Variants in TRIM10 observed in about 807,000 individuals in gnomAD.
TRIM10 encodes tripartite motif-containing protein 10.
Under a neutral mutation model 40.0 loss-of-function variants are expected in TRIM10, and 42 were observed. The ratio of observed to expected loss-of-function variants is 1.05; its 90% CI spans 0.82 to 1.36. TRIM10 has a LOEUF of 1.36. Among genes scored for constraint, TRIM10 ranks in the 40% most tolerant of loss-of-function variants. The pLI is 0.00. For synonymous variants in TRIM10, 260 were observed against 239.5 expected (o/e 1.09, Z -0.79); for missense variants, 601 against 608.3 (o/e 0.99, Z 0.13).
chr6:30,159,386 C>A, intron 1 of TRIM10, 141 bp from the exon 2 acceptor site: 1 of 625,334 alleles, frequency 1.6e-6, no homozygotes, highest in East Asian at 2.7e-5. Context: ...GAGCCTTCAC[C>A]ACCCTGACAG....
At chr6:30,157,440 T>C (rs751708314) in intron 3 of TRIM10, 49 bp from the exon 4 acceptor site, 13 of 1,544,806 alleles carry the variant, frequency 8.4e-6, no homozygotes, top group African/African-American at 2.8e-5. Flanking sequence ...CTCCTTTCCA[T>C]TTTTCTTTCC....
chr6:30,156,440 A>G (rs575311518), intron 5 of TRIM10, among the ~76,000 whole-genome samples: 1 of 152,140 alleles, frequency 6.6e-6, no homozygotes, highest in South Asian at 2.1e-4. Context: ...CCTGTTCCGG[A>G]AAAGGAAGTG....
chr6:30,160,900 G>A lies in TRIM10; in HGVS notation c.-42C>T, dbSNP rs771440318. On this transcript the variant is annotated 5_prime_UTR_variant, in exon 1 of 7. Coordinates refer to ENST00000449742, the MANE Select transcript of TRIM10 (RefSeq NM_006778.4). ...TGGCTTCCTCAAGGCCACTCTCTCT[G>A]CTTGGCCACGGGGGAAGGGCTGGGT... The A allele has an allele frequency of 3.3e-6, 5 of 1,535,902 alleles. No homozygotes were observed. The highest frequency in any genetic ancestry group is 4.4e-6 in the Non-Finnish European group (5 of 1,145,154).
rs916184922 is a variant in TRIM10 at position 30,159,148 on chromosome 6, A to T, written c.525+2T>A. ...GAACCTGGGGAAGGGGTGATGACTT[A>T]CCAGGAGGACTTGCATCCTTTTATT... On this transcript the variant is annotated splice_donor_variant, in intron 2 of 6. Transcript: ENST00000449742. LOFTEE classifies it high-confidence loss of function. 6 of 1,603,866 alleles carry T rather than the reference A, an allele frequency of 3.7e-6. No homozygotes were observed. The African/African-American group carries it at 8.0e-5, about 21-fold the overall frequency.
Position 30,158,603 on chromosome 6 carries a change from C to T in TRIM10, c.552G>A (p.Gln184=). 1.2e-6 allele frequency: 2 copies of T among 1,613,066 alleles called. No individual in the cohort carries two copies. The highest frequency in any genetic ancestry group is 1.7e-6 in the Non-Finnish European group (2 of 1,180,034). Residue 184 remains glutamine, a synonymous_variant, in exon 3 of 7, where the codon CAG becomes CAA. Coordinates refer to ENST00000449742, the MANE Select transcript of TRIM10 (RefSeq NM_006778.4). ...LLTQVSTKRQ[Q]VISEFAHLRK... ...TCAGGTGTGCGAACTCAGAAATCAC[C>T]TGTTGTCTCTTGGTGGACACCTGAG... is the stretch of plus-strand genomic sequence containing the variant.
At chr6:30,157,266 C>A in intron 4 of TRIM10, 103 bp downstream of exon 4, 3 of 1,262,998 alleles carry the variant, frequency 2.4e-6, no homozygotes, top group Non-Finnish European at 3.4e-6. Flanking sequence ...AAATTTGTAT[C>A]CTTAAGTGAG....
chr6:30,152,326 G>A lies in TRIM10; in HGVS notation c.*1643C>T, dbSNP rs1772083695. On this transcript the variant is annotated 3_prime_UTR_variant, in exon 7 of 7. Coordinates refer to ENST00000449742, the MANE Select transcript of TRIM10 (RefSeq NM_006778.4). Reference sequence around the variant, plus strand: ...AGTCCTTTCAAAAGACACAGCTAAAGCCAATAAAAATAAACAAAAATAGGA... The same window carrying A: ...AGTCCTTTCAAAAGACACAGCTAAAACCAATAAAAATAAACAAAAATAGGA... 1 of 146,360 alleles carries A rather than the reference G, an allele frequency of 6.8e-6. No individual in the cohort carries two copies. 9.1% of individuals were successfully genotyped at this position (146,360 alleles called of 1,614,324 possible). A position where few individuals can be genotyped will look rare whatever the true frequency, so the allele number is the denominator to read the frequency against.
intron 5 of TRIM10, chr6:30,156,670 T>C: frequency 1.8e-6 from 1 of 548,206 alleles, no homozygotes; most frequent in Non-Finnish European, 3.3e-6. Flanking sequence ...TTATCTTTCA[T>C]ATTGCTTAAT....
intron 5 of TRIM10, 32 bp downstream of exon 5, chr6:30,156,907 C>T: frequency 6.2e-7 from 1 of 1,601,932 alleles, no homozygotes; most frequent in Non-Finnish European, 8.5e-7. Context: ...TCATGGCCAC[C>T]TGCGCTCTGT....
Position 30,153,441 on chromosome 6 carries a change from A to G in TRIM10, c.*528T>C, listed in dbSNP as rs958235504. On this transcript the variant is annotated 3_prime_UTR_variant, in exon 7 of 7. Transcript: ENST00000449742. ...CTCTTTATGTTTCTCTGTCTTCCCA[A>G]GAGCTCTTTCAGATATAGAGCAGGT... is the stretch of plus-strand genomic sequence containing the variant. 5.8e-6 allele frequency: 3 copies of G among 520,922 alleles called. No homozygotes were observed. Among genetic ancestry groups the G allele is most frequent in the African/African-American group, 5.7e-5 (3 of 52,690 alleles). The allele number at this position is 520,922 out of a possible 1,614,324, so 32.3% of individuals were successfully genotyped here. A position where few individuals can be genotyped will look rare whatever the true frequency, so the allele number is the denominator to read the frequency against.
At position 30,156,929 on chromosome 6, in the gene TRIM10, G is replaced by T. The variant is rs367851231; in HGVS notation, c.895+10C>A. ...CACCTGCGCTCTGTGGAGGCCTGGG[G>T]TTCTCTTACCCAGAAACATCTTCAT... On this transcript the variant is annotated intron_variant, in intron 5 of 6. Transcript: ENST00000449742. 7 of 1,612,250 alleles carry T rather than the reference G, an allele frequency of 4.3e-6. No homozygotes were observed. The highest frequency in any genetic ancestry group is 1.7e-4 in the Middle Eastern group (1 of 6,052).
chr6:30,152,853 A>C lies in TRIM10; in HGVS notation c.*1116T>G, dbSNP rs1471886262. The C allele has an allele frequency of 6.6e-6, 1 of 152,206 alleles. No homozygotes were observed. Among genetic ancestry groups the C allele is most frequent in the Non-Finnish European group, 1.5e-5 (1 of 68,034 alleles). 9.4% of individuals were successfully genotyped at this position (152,206 alleles called of 1,614,324 possible). A position where few individuals can be genotyped will look rare whatever the true frequency, so the allele number is the denominator to read the frequency against. On this transcript the variant is annotated 3_prime_UTR_variant, in exon 7 of 7. Transcript: ENST00000449742. ...ACGGTAGTCTCAATTCTTTAGACTA[A>C]AGTTCATAGGTCATCCAACTTATGC...
At chr6:30,155,669 A>T in intron 6 of TRIM10, 58 bp downstream of exon 6, 2 of 1,585,788 alleles carry the variant, frequency 1.3e-6, no homozygotes, top group Non-Finnish European at 1.7e-6. Flanking sequence ...ATCCTGCAAA[A>T]TTTTCTCTCC....
At chr6:30,162,303 GAGAAAA>G (rs888211306), upstream of TRIM10, among the ~76,000 whole-genome samples, 4 of 150,664 alleles carry the variant, frequency 2.7e-5, no homozygotes, top group African/African-American at 9.8e-5. Context: ...AAAGAAAAAA[GAGAAAA>G]AGAAAAAGAA....
At position 30,160,513 on chromosome 6, in the gene TRIM10, G is replaced by A. The variant is rs1417290375; in HGVS notation, c.346C>T (p.Gln116Ter). ...IYFFCEDDEM[Q>*]LCVVCREAGE... Reference sequence around the variant, plus strand: ...GCCTCCCGGCACACCACGCACAACTGCATCTCATCATCCTCACAGAAGAAG... The same window carrying A: ...GCCTCCCGGCACACCACGCACAACTACATCTCATCATCCTCACAGAAGAAG... Residue 116 changes from glutamine (Q) to a stop codon, truncating the protein, a stop_gained, in exon 1 of 7, where the codon CAG (glutamine) becomes TAG (stop). Transcript: ENST00000449742. LOFTEE classifies it high-confidence loss of function. 1.1e-5 allele frequency: 17 copies of A among 1,614,026 alleles called. No homozygotes were observed. Among genetic ancestry groups the A allele is most frequent in the Non-Finnish European group, 1.4e-5 (17 of 1,180,044 alleles).
intron 3 of TRIM10, among the ~76,000 whole-genome samples, chr6:30,157,657 CTTTTTTTTTTTTTTT>C (rs9278596): frequency 1.3e-5 from 1 of 77,866 alleles, no homozygotes; most frequent in Non-Finnish European, 2.3e-5. Flanking sequence ...GGCTAATTTT[CTTTTTTTTTTTTTTT>C]TTTTTTTTGT....
intron 6 of TRIM10, 97 bp downstream of exon 6, chr6:30,155,630 G>A: frequency 9.5e-7 from 1 of 1,054,002 alleles, no homozygotes. Context: ...TATGACTATT[G>A]TCATAGTCAT....
rs188867546 is a variant in TRIM10, at chr6:30,157,246, G to A, written c.779+123C>T. ...TGAGAAGGCATTTGGGTATATAGAG[G>A]TTTATATGTAAATTTGTATCCTTAA... On this transcript the variant is annotated intron_variant, in intron 4 of 6. Transcript: ENST00000449742. 1.2e-4 allele frequency: 138 copies of A among 1,176,350 alleles called. No individual in the cohort carries two copies. The African/African-American group carries it at 2.0e-3, about 17-fold the overall frequency. 72.9% of individuals were successfully genotyped at this position (1,176,350 alleles called of 1,614,324 possible).
rs1360316311 is a variant in TRIM10 at position 30,152,484 on chromosome 6, T to A, written c.*1485A>T. On this transcript the variant is annotated 3_prime_UTR_variant, in exon 7 of 7. Coordinates refer to ENST00000449742, the MANE Select transcript of TRIM10 (RefSeq NM_006778.4). ...ACTGCACACTCCCAGGGAAAGCAATTCAATCTCTAATCCCTGGCTTCTGAT... is the reference window on the plus strand; with the variant it reads ...ACTGCACACTCCCAGGGAAAGCAATACAATCTCTAATCCCTGGCTTCTGAT... 6.6e-6 allele frequency: 1 copy of A among 152,206 alleles called. No individual in the cohort carries two copies. Among genetic ancestry groups the A allele is most frequent in the Non-Finnish European group, 1.5e-5 (1 of 68,036 alleles). 9.4% of individuals were successfully genotyped at this position (152,206 alleles called of 1,614,324 possible).
Sources: allele counts gnomAD v4.1 joint callset (sites outside exome capture counted in the v4.1 genomes callset), GRCh38; gene constraint gnomAD v4.1.1; transcripts MANE v1.5; gene names NCBI Gene and HGNC (gene_info 2026-07-23, HGNC 2026-07-21).